FARP2: variants seen among roughly 807,000 people sequenced by gnomAD.
The protein encoded by FARP2 is FERM, ARH/RhoGEF and pleckstrin domain protein 2, also known as FERM, ARHGEF and pleckstrin domain-containing protein 2.
FARP2 carries 111 observed loss-of-function variants against 130.5 expected under a neutral mutation model. That is an observed-to-expected ratio of 0.85 (90% CI 0.73 to 1.00). FARP2 has a LOEUF of 1.00. Among genes scored for constraint, FARP2 ranks in the 50% least tolerant of loss-of-function variants. The pLI, the probability that FARP2 is intolerant of heterozygous loss-of-function variation, is 0.00. For synonymous variants in FARP2, 504 were observed against 516.9 expected (o/e 0.98, Z 0.34); for missense variants, 1,385 against 1,346.3 (o/e 1.03, Z -0.45).
intron 1 of FARP2, among the ~76,000 whole-genome samples, chr2:241,365,499 A>G (rs2061283607): frequency 6.6e-6 from 1 of 152,224 alleles, no homozygotes; most frequent in African/African-American, 2.4e-5. Context: ...TATTTGATTC[A>G]GGATTCAAAT....
chr2:241,399,797 G>A (rs149213332), intron 2 of FARP2, among the ~76,000 whole-genome samples: 42 of 152,226 alleles, frequency 2.8e-4, no homozygotes, highest in African/African-American at 9.9e-4. Flanking sequence ...AAGCTTTATT[G>A]TTGTGCCTTT....
intron 2 of FARP2, among the ~76,000 whole-genome samples, chr2:241,389,474 C>T (rs2061858736): frequency 6.6e-6 from 1 of 152,206 alleles, no homozygotes; most frequent in Admixed American, 6.5e-5. Flanking sequence ...GACTTCCAGC[C>T]TCCAGAACTA....
chr2:241,491,620 C>T lies in FARP2; in HGVS notation c.2728C>T (p.His910Tyr). The T allele has an allele frequency of 1.2e-6, 2 of 1,613,672 alleles. No individual in the cohort carries two copies. Among genetic ancestry groups the T allele is most frequent in the Non-Finnish European group, 1.7e-6 (2 of 1,179,942 alleles). ...CCAGCACCGGGCCAACACCACAATG[C>T]ACGTGTGCTGGTACCGGAACACCAG... ...HGQHRANTTM[H>Y]VCWYRNTSVS... Residue 910 changes from histidine (H) to tyrosine (Y), a missense_variant, in exon 24 of 27, where the codon CAC becomes TAC. Physicochemically the swap from His to Tyr is moderately conservative, Grantham distance 83. Coordinates refer to ENST00000264042, the MANE Select transcript of FARP2 (RefSeq NM_014808.4).
chr2:241,478,930 C>T (rs2064544482), intron 19 of FARP2: 2 of 398,122 alleles, frequency 5.0e-6, no homozygotes, highest in African/African-American at 4.2e-5. Flanking sequence ...ACACCCCATA[C>T]AGTATGGCCA....
intron 2 of FARP2, among the ~76,000 whole-genome samples, chr2:241,388,990 T>C (rs2061848948): frequency 6.6e-6 from 1 of 152,078 alleles, no homozygotes. Flanking sequence ...CTTATAAGAA[T>C]AGACATGAGG....
intron 19 of FARP2, 83 bp downstream of exon 19, chr2:241,476,070 C>T (rs2064450052): frequency 1.5e-6 from 2 of 1,360,516 alleles, no homozygotes; most frequent in Admixed American, 2.1e-5. Flanking sequence ...CAAAAGTCAC[C>T]ATTTTAAAAT....
chr2:241,389,791 G>A (rs1241890455), intron 2 of FARP2, among the ~76,000 whole-genome samples: 1 of 152,088 alleles, frequency 6.6e-6, no homozygotes. Context: ...AATATTTGCA[G>A]CGCTTATTCT....
In FARP2 at chr2:241,494,007, G is replaced by T. The variant is rs1409230967; in HGVS notation, c.3048-1G>T. 2 of 1,383,644 alleles carry T rather than the reference G, an allele frequency of 1.4e-6. No homozygotes were observed. The highest frequency in any genetic ancestry group is 3.0e-5 in the African/African-American group (2 of 66,762). The allele number at this position is 1,383,644 out of a possible 1,614,324, so 85.7% of individuals were successfully genotyped here. A position where few individuals can be genotyped will look rare whatever the true frequency, so the allele number is the denominator to read the frequency against. ...GGTCTGATGGCCGCCCTCTCCTCCA[G>T]GTGGATGGAGGTGATCCAGGGGGCC... On this transcript the variant is annotated splice_acceptor_variant, in intron 26 of 26. Transcript: ENST00000264042. LOFTEE classifies it high-confidence loss of function. This position sits in a 1 kb window ranked among gnomAD's most constrained non-coding sequence, Gnocchi z 4.9.
chr2:241,436,996 G>A (rs908793809), intron 12 of FARP2, among the ~76,000 whole-genome samples: 1 of 152,174 alleles, frequency 6.6e-6, no homozygotes, highest in African/African-American at 2.4e-5. Context: ...AAAAAAAAGA[G>A]AGAAAGCCTG....
chr2:241,366,569 C>G (rs1469229635), intron 1 of FARP2, among the ~76,000 whole-genome samples: 1 of 152,070 alleles, frequency 6.6e-6, no homozygotes, highest in Admixed American at 6.5e-5. Flanking sequence ...CTGAATTTGT[C>G]TGAAAGTGAT....
Position 241,366,360 on chromosome 2 carries a change from T to C in FARP2, c.-24-6724T>C, listed in dbSNP as rs113920067. ...CTTCAGCTCCTAAAACTTCTGCTTT[T>C]CAGTTTGTAGAATTTTGTTTAACAT... On this transcript the variant is annotated intron_variant, in intron 1 of 26. Coordinates refer to ENST00000264042, the MANE Select transcript of FARP2 (RefSeq NM_014808.4). Among the ~76,000 whole-genome samples, 240 of 151,794 alleles carry C rather than the reference T, an allele frequency of 1.6e-3. 2 individuals are homozygous for C. Among genetic ancestry groups the C allele is most frequent in the African/African-American group, 5.2e-3 (213 of 41,256 alleles).
intron 12 of FARP2, among the ~76,000 whole-genome samples, chr2:241,437,662 A>ATTT (rs1254102658): frequency 3.7e-5 from 5 of 135,414 alleles, no homozygotes; most frequent in South Asian, 2.3e-4. Flanking sequence ...TTATTTATTT[A>ATTT]TTTATTTATT....
intron 12 of FARP2, among the ~76,000 whole-genome samples, chr2:241,438,769 A>G (rs1219261117): frequency 1.4e-5 from 2 of 146,946 alleles, no homozygotes; most frequent in African/African-American, 5.1e-5. Flanking sequence ...AGCTGGGACT[A>G]CAGGTGCCCG....
intron 2 of FARP2, chr2:241,396,092 C>T (rs1320128876): frequency 6.6e-6 from 1 of 152,058 alleles, no homozygotes; most frequent in Non-Finnish European, 1.5e-5. Context: ...GAAAGGATTC[C>T]CTGTTTAATA....
chr2:241,434,646 A>G (rs1378520285), intron 10 of FARP2, among the ~76,000 whole-genome samples: 1 of 152,148 alleles, frequency 6.6e-6, no homozygotes, highest in Non-Finnish European at 1.5e-5. Flanking sequence ...GAGGTCAGGA[A>G]TTCGATATCA....
At chr2:241,490,532 C>T (rs368096755) in intron 22 of FARP2, among the ~76,000 whole-genome samples, 1 of 152,220 alleles carries the variant, frequency 6.6e-6, no homozygotes, top group South Asian at 2.1e-4. Context: ...CAAGTGGAAA[C>T]AGCTCCCTCC....
intron 2 of FARP2, among the ~76,000 whole-genome samples, chr2:241,386,566 G>C (rs1012202369): frequency 3.3e-5 from 5 of 152,200 alleles, no homozygotes; most frequent in African/African-American, 9.7e-5. Flanking sequence ...AAGGGAAAGG[G>C]GAGGTTTGGA....
At chr2:241,402,867 TATATATATATA>T (rs1559735046) in intron 2 of FARP2, among the ~76,000 whole-genome samples, 28 of 16,976 alleles carry the variant, frequency 1.6e-3, no homozygotes, top group African/African-American at 4.3e-3. Flanking sequence ...TATATATATA[TATATATATATA>T]TATTTTTTTT....
At position 241,494,067 on chromosome 2, in the gene FARP2, A is replaced by C. The variant is rs2065036534; in HGVS notation, c.3107A>C (p.Gln1036Pro). 6.9e-7 allele frequency: 1 copy of C among 1,440,568 alleles called. No individual in the cohort carries two copies. The highest frequency in any genetic ancestry group is 1.5e-5 in the African/African-American group (1 of 67,236). The allele number at this position is 1,440,568 out of a possible 1,614,324, so 89.2% of individuals were successfully genotyped here. A position where few individuals can be genotyped will look rare whatever the true frequency, so the allele number is the denominator to read the frequency against. Residue 1036 changes from glutamine to proline, a missense_variant, in exon 27 of 27, where the codon CAG (glutamine) becomes CCG (proline). Coordinates refer to ENST00000264042, the MANE Select transcript of FARP2 (RefSeq NM_014808.4). This position sits in a 1 kb window ranked among gnomAD's most constrained non-coding sequence, Gnocchi z 4.9. ...SSAGRAPSIV[Q>P]DGPQPSSGLE... ...GCCGGGAGGGCCCCAAGCATCGTGC[A>C]GGATGGCCCCCAACCCTCCTCAGGG...
Sources: gnomAD v4.1 joint callset for allele counts (sites outside exome capture counted in the v4.1 genomes callset) on GRCh38, gnomAD v4.1.1 for gene constraint, Gnocchi (gnomAD v3.1) non-coding constraint, MANE v1.5 for transcripts, NCBI Gene and HGNC (gene_info 2026-07-23, HGNC 2026-07-21) for gene names.